The following RBMX variants were observed in gnomAD, a reference collection of about 807,000 sequenced individuals.
RBMX encodes RNA-binding motif protein, X chromosome.
Under a neutral mutation model 29.3 loss-of-function variants are expected in RBMX, and 1 was observed. The ratio of observed to expected loss-of-function variants is 0.03; its 90% confidence interval spans 0.01 to 0.16. RBMX has a LOEUF of 0.16. Ranked by LOEUF, RBMX falls within the 10% of genes least tolerant of loss-of-function variation. RBMX has a pLI of 1.00. For synonymous variants in RBMX, 102 were observed against 102.3 expected (o/e 1.00, Z 0.02); for missense variants, 121 against 333.2 (o/e 0.36, Z 4.96).
chrX:136,877,863 G>C (rs371052915), intron 4 of RBMX, 52 bp downstream of exon 4: 274 of 1,076,691 alleles, frequency 2.5e-4, no homozygotes, highest in South Asian at 5.6e-4. Context: ...CTTGGTGTGA[G>C]CTTGCAGTCC....
chrX:136,877,878 C>A, intron 4 of RBMX, 37 bp downstream of exon 4: 3 of 1,132,412 alleles, frequency 2.6e-6, no homozygotes, highest in Non-Finnish European at 3.5e-6. Flanking sequence ...CAGTCCCTAA[C>A]TTATACACCA....
At chrX:136,878,511 G>A (rs958548638) in intron 3 of RBMX, among the ~76,000 whole-genome samples, 3 of 108,556 alleles carry the variant, frequency 2.8e-5, no homozygotes, top group African/African-American at 6.7e-5. Flanking sequence ...TTTGGGAGGC[G>A]GAGGCAGCTG....
At chrX:136,871,811 GTTTTTTTT>G (rs750533072), downstream of RBMX, among the ~76,000 whole-genome samples, 13 of 74,940 alleles carry the variant, frequency 1.7e-4, no homozygotes, top group Admixed American at 3.2e-4. Context: ...CACGCCCGGT[GTTTTTTTT>G]TTTTTTTTTT....
intron 4 of RBMX, among the ~76,000 whole-genome samples, chrX:136,877,339 C>G (rs1251447068): frequency 4.6e-5 from 4 of 86,047 alleles, no homozygotes; most frequent in African/African-American, 1.7e-4. Flanking sequence ...CCCCCCCCCC[C>G]CCAAAAAAAA....
At chrX:136,879,281 A>G (rs778304011) in intron 2 of RBMX, 38 bp downstream of exon 2, 2 of 1,198,907 alleles carry the variant, frequency 1.7e-6, no homozygotes, top group Non-Finnish European at 2.3e-6. Flanking sequence ...CTTATATTTT[A>G]ATTATAATAG....
At chrX:136,880,282 C>A (rs967840619) in intron 1 of RBMX, among the ~76,000 whole-genome samples, 1 of 112,228 alleles carries the variant, frequency 8.9e-6, no homozygotes, top group Non-Finnish European at 1.9e-5. Flanking sequence ...AGTCCACATG[C>A]CCATCATTAG....
chrX:136,880,298 G>A lies in RBMX; in HGVS notation c.-27+299C>T, dbSNP rs754926622. Reference sequence around the variant, plus strand: ...GTCCACATGCCCATCATTAGCGCCAGCGCCATACCAATGCAGGTATCGCCG... The same window carrying A: ...GTCCACATGCCCATCATTAGCGCCAACGCCATACCAATGCAGGTATCGCCG... On this transcript the variant is annotated intron_variant, in intron 1 of 8. Coordinates refer to ENST00000320676, the MANE Select transcript of RBMX (RefSeq NM_002139.4). Among the ~76,000 whole-genome samples the A allele has an allele frequency of 2.7e-5, 3 of 112,207 alleles. No individual in the cohort carries two copies. In the East Asian group the frequency reaches 8.4e-4, roughly 32 times the overall value.
downstream of RBMX, among the ~76,000 whole-genome samples, chrX:136,871,500 A>T (rs767655125): frequency 7.2e-5 from 8 of 110,798 alleles, no homozygotes; most frequent in Admixed American, 6.8e-4. Flanking sequence ...CATTATGTCA[A>T]TGTCAATAAA....
intron 1 of RBMX, 40 bp from the exon 2 acceptor site, chrX:136,879,493 C>A (rs998332260): frequency 2.0e-5 from 21 of 1,065,447 alleles, no homozygotes; most frequent in Non-Finnish European, 2.7e-5. Context: ...GCAAAAAGTT[C>A]CTCAAGTTTA....
At chrX:136,879,532 C>A in intron 1 of RBMX, 79 bp from the exon 2 acceptor site, 1 of 823,593 alleles carries the variant, frequency 1.2e-6, no homozygotes, top group South Asian at 2.5e-5. Context: ...GCACATTTCT[C>A]ATATTTTCCA....
chrX:136,870,233 T>A (rs1231356499), downstream of RBMX: 1 of 112,438 alleles, frequency 8.9e-6, no homozygotes, highest in East Asian at 2.8e-4. Flanking sequence ...TTTGGTCAAT[T>A]ACTTGCTTTA....
At chrX:136,875,944 G>A (rs1236318995) in intron 5 of RBMX, among the ~76,000 whole-genome samples, 1 of 108,726 alleles carries the variant, frequency 9.2e-6, no homozygotes, top group African/African-American at 3.3e-5. Flanking sequence ...TGGGATTACA[G>A]GTGCCCACCA....
intron 5 of RBMX, 36 bp downstream of exon 5, chrX:136,876,467 G>A (rs991499914): frequency 2.3e-5 from 26 of 1,129,478 alleles, no homozygotes; most frequent in African/African-American, 1.5e-4. Context: ...TTTGTGTTAC[G>A]GTAGTAGCAT....
Position 136,874,382 on chromosome X carries a change from A to C in RBMX, c.936T>G (p.Asp312Glu), listed in dbSNP as rs139330974. 9.1e-6 allele frequency: 11 copies of C among 1,212,374 alleles called. No individual in the cohort carries two copies. In the African/African-American group the frequency reaches 1.7e-4, roughly 19 times the overall value. ...PSYGGSSRYD[D>E]YSSSRDGYGG... ...CATATCCGTCACGTGAGCTGCTGTAATCATCATAGCGACTGCTTCCACCAT... is the reference window on the plus strand; with the variant it reads ...CATATCCGTCACGTGAGCTGCTGTACTCATCATAGCGACTGCTTCCACCAT... Residue 312 changes from aspartate to glutamate, a missense_variant, in exon 9 of 9, where the codon GAT becomes GAG. Physicochemically the swap from Asp to Glu is conservative, Grantham distance 45. Around this residue, in one of 2 missense-constraint regions of RBMX, gnomAD observed 114 missense variants for 260.0 expected, o/e 0.44. Transcript: ENST00000320676.
At chrX:136,873,449 G>C, downstream of RBMX, 2 of 754,146 alleles carry the variant, frequency 2.7e-6, no homozygotes, top group Non-Finnish European at 1.6e-6. Flanking sequence ...AAGCACCTTT[G>C]CAGCTTCATG....
In RBMX at chrX:136,876,256, G is replaced by T. The variant is rs769101102; in HGVS notation, c.541+247C>A. On this transcript the variant is annotated intron_variant, in intron 5 of 8. Transcript: ENST00000320676. ...CTCCTGCCTCGGCCTCCCAAGTAGC[G>T]GGGATTACAGGAACCCGCCCTACAC... is the stretch of plus-strand genomic sequence containing the variant. 1.2e-4 allele frequency among the ~76,000 whole-genome samples: 13 copies of T among 104,899 alleles called. No homozygotes were observed. The South Asian group carries it at 5.2e-3, about 42-fold the overall frequency. The allele number at this position is 104,899 out of a possible 115,157, so 91.1% of individuals were successfully genotyped here.
intron 1 of RBMX, among the ~76,000 whole-genome samples, chrX:136,879,972 T>A (rs1197407920): frequency 8.9e-6 from 1 of 111,788 alleles, no homozygotes; most frequent in Non-Finnish European, 1.9e-5. Context: ...GCCCCCGCCC[T>A]ACCGAAAATT....
At chrX:136,879,707 G>GT (rs773500871) in intron 1 of RBMX, among the ~76,000 whole-genome samples, 1 of 111,913 alleles carries the variant, frequency 8.9e-6, no homozygotes, top group Non-Finnish European at 1.9e-5. Context: ...ACCCTTAGCT[G>GT]TTCTTAAGCA....
chrX:136,879,490 G>A, intron 1 of RBMX, 37 bp from the exon 2 acceptor site: 1 of 1,059,608 alleles, frequency 9.4e-7, no homozygotes, highest in African/African-American at 1.9e-5. Context: ...ACTGCAAAAA[G>A]TTCCTCAAGT....
Sources: gnomAD v4.1 joint callset for allele counts (sites outside exome capture counted in the v4.1 genomes callset) on GRCh38, gnomAD v4.1.1 for gene constraint, gnomAD v4.1.1 regional missense constraint, MANE v1.5 for transcripts, NCBI Gene and HGNC (gene_info 2026-07-23, HGNC 2026-07-21) for gene names.